The following RTKN2 variants were observed in gnomAD, a reference collection of about 807,000 sequenced individuals.
The protein encoded by RTKN2 is rhotekin 2, also known as rhotekin-2.
Under a neutral mutation model 71.5 loss-of-function variants are expected in RTKN2, and 69 were observed. The ratio of observed to expected loss-of-function variants is 0.96; its 90% CI spans 0.79 to 1.18. The LOEUF is 1.18. Ranked by LOEUF, RTKN2 falls within the 50% of genes most tolerant of loss-of-function variation. The pLI is 0.00. For missense variants in RTKN2, 724 were observed against 719.7 expected, an observed-to-expected ratio of 1.01 and a Z score of -0.07; for synonymous variants, 236 against 236.5, an observed-to-expected ratio of 1.00 and a Z score of 0.02.
chr10:62,240,807 G>C (rs1288604179), intron 4 of RTKN2, among the ~76,000 whole-genome samples: 1 of 152,082 alleles, frequency 6.6e-6, no homozygotes, highest in Non-Finnish European at 1.5e-5. Context: ...TCCAGATTCT[G>C]GTCAAATACA....
At chr10:62,227,783 G>A (rs1258339876) in intron 6 of RTKN2, among the ~76,000 whole-genome samples, 2 of 152,202 alleles carry the variant, frequency 1.3e-5, no homozygotes, top group African/African-American at 4.8e-5. Flanking sequence ...CCAGGCAAGA[G>A]CTGTTGCAGG....
rs187847946 is a variant in RTKN2 at position 62,223,157 on chromosome 10, G to T, written c.781+81C>A. 69 of 727,346 alleles carry T rather than the reference G, an allele frequency of 9.5e-5. 1 individual carries two copies. In the Middle Eastern group the frequency reaches 1.5e-3, roughly 16 times the overall value. The allele number at this position is 727,346 out of a possible 1,614,324, so 45.1% of individuals were successfully genotyped here. On this transcript the variant is annotated intron_variant, in intron 7 of 11. Coordinates refer to ENST00000373789, the MANE Select transcript of RTKN2 (RefSeq NM_145307.4). Reference sequence around the variant, plus strand: ...CACTCATGTCTCCATTATTTAAGCCGATATCCACTTGAGGGGAACATACTA... The same window carrying T: ...CACTCATGTCTCCATTATTTAAGCCTATATCCACTTGAGGGGAACATACTA...
chr10:62,268,466 T>G, intron 1 of RTKN2, 85 bp downstream of exon 1: 1 of 1,280,884 alleles, frequency 7.8e-7, no homozygotes, highest in South Asian at 1.3e-5. Flanking sequence ...GGAGAGGCTT[T>G]CCCGACTCCT....
intron 2 of RTKN2, chr10:62,259,238 A>C (rs2133086708): frequency 2.2e-6 from 1 of 450,874 alleles, no homozygotes; most frequent in Admixed American, 2.4e-5. Flanking sequence ...AGGCCTCCCC[A>C]GTCATGTGAA....
At chr10:62,218,154 G>T in intron 8 of RTKN2, 41 bp downstream of exon 8, 1 of 1,249,036 alleles carries the variant, frequency 8.0e-7, no homozygotes, top group East Asian at 2.3e-5. Flanking sequence ...AAGATTTAAA[G>T]TAGAGCTACA....
At chr10:62,237,521 T>TG (rs1303151288) in intron 5 of RTKN2, among the ~76,000 whole-genome samples, 1 of 151,924 alleles carries the variant, frequency 6.6e-6, no homozygotes, top group Non-Finnish European at 1.5e-5. Flanking sequence ...TAAAATACCC[T>TG]GGTCATTTTG....
At chr10:62,264,663 T>C (rs1283459267) in intron 1 of RTKN2, among the ~76,000 whole-genome samples, 1 of 152,128 alleles carries the variant, frequency 6.6e-6, no homozygotes, top group Non-Finnish European at 1.5e-5. Flanking sequence ...TGCCACTAAA[T>C]TCAACTTTAG....
chr10:62,215,100 A>C, intron 9 of RTKN2: 2 of 1,462,840 alleles, frequency 1.4e-6, no homozygotes, highest in Non-Finnish European at 9.3e-7. Context: ...GACTTCAAAA[A>C]TATCATTTGT....
intron 4 of RTKN2, among the ~76,000 whole-genome samples, chr10:62,240,474 T>C (rs993891617): frequency 3.9e-5 from 6 of 152,198 alleles, no homozygotes; most frequent in Non-Finnish European, 5.9e-5. Context: ...TTATATTTCC[T>C]AATTGAATAA....
chr10:62,261,990 T>A (rs2393867), intron 2 of RTKN2, among the ~76,000 whole-genome samples: 115,485 of 152,130 alleles, frequency 0.76, 43,929 homozygotes, highest in East Asian at 0.9. Context: ...TTGTAAAAAG[T>A]TAGGATATAA....
rs977162925 is a variant in RTKN2, at chr10:62,195,779, G to A, written c.*2129C>T. The A allele has an allele frequency of 1.0e-6, 1 of 985,266 alleles. No individual in the cohort carries two copies. The highest frequency in any genetic ancestry group is 1.2e-6 in the Non-Finnish European group (1 of 829,968). 61.0% of individuals were successfully genotyped at this position (985,266 alleles called of 1,614,324 possible). A position where few individuals can be genotyped will look rare whatever the true frequency, so the allele number is the denominator to read the frequency against. ...AAAGACTTGTAACATACAGTAAGCT[G>A]GGCCCCCCAGAAAGAGACCGAATAA... On this transcript the variant is annotated 3_prime_UTR_variant, in exon 12 of 12. Transcript: ENST00000373789.
rs537060718 is a variant in RTKN2, at chr10:62,223,834, C to T, written c.687-502G>A. Among the ~76,000 whole-genome samples, 34 of 152,194 alleles carry T rather than the reference C, an allele frequency of 2.2e-4. No homozygotes were observed. The South Asian group carries it at 6.8e-3, about 31-fold the overall frequency. On this transcript the variant is annotated intron_variant, in intron 6 of 11. Transcript: ENST00000373789. ...CTACTCTGATATATACCCAAAAGAA[C>T]TGAGAGCAGAGACTCAGATATTTGT...
At chr10:62,257,386 A>T (rs1362251096) in intron 2 of RTKN2, among the ~76,000 whole-genome samples, 1 of 152,232 alleles carries the variant, frequency 6.6e-6, no homozygotes, top group Non-Finnish European at 1.5e-5. Context: ...GGAGGTAAAT[A>T]GTCATTTTTT....
rs193064284 is a variant in RTKN2 at position 62,207,395 on chromosome 10, T to C, written c.1021-2373A>G. ...CAGAATTTGAATTAACTTCTATATG[T>C]TATCATCCAAAATAATTTAATGGAA... On this transcript the variant is annotated intron_variant, in intron 9 of 11. Transcript: ENST00000373789. Among the ~76,000 whole-genome samples, 49 of 152,224 alleles carry C rather than the reference T, an allele frequency of 3.2e-4. No individual in the cohort carries two copies. In the East Asian group the frequency reaches 9.1e-3, roughly 28 times the overall value.
Position 62,194,271 on chromosome 10 carries a change from T to C in RTKN2, c.*3637A>G, listed in dbSNP as rs1204483339. The C allele has an allele frequency of 1.0e-6, 1 of 984,468 alleles. No homozygotes were observed. The highest frequency in any genetic ancestry group is 1.7e-5 in the African/African-American group (1 of 57,216). 61.0% of individuals were successfully genotyped at this position (984,468 alleles called of 1,614,324 possible). A position where few individuals can be genotyped will look rare whatever the true frequency, so the allele number is the denominator to read the frequency against. ...TCCCAGAGTTAACTAAGAACATCTATGATCCAGAATATGCAGATTTCATTT... is the reference window on the plus strand; with the variant it reads ...TCCCAGAGTTAACTAAGAACATCTACGATCCAGAATATGCAGATTTCATTT... On this transcript the variant is annotated 3_prime_UTR_variant, in exon 12 of 12. Coordinates refer to ENST00000373789, the MANE Select transcript of RTKN2 (RefSeq NM_145307.4).
At chr10:62,220,154 G>C (rs1841874402) in intron 7 of RTKN2, among the ~76,000 whole-genome samples, 1 of 152,122 alleles carries the variant, frequency 6.6e-6, no homozygotes, top group Admixed American at 6.5e-5. Flanking sequence ...GGCAGCAAAG[G>C]TTTGTAGTAA....
intron 1 of RTKN2, among the ~76,000 whole-genome samples, chr10:62,263,734 C>T (rs553275041): frequency 6.6e-6 from 1 of 152,260 alleles, no homozygotes; most frequent in Admixed American, 6.5e-5. Context: ...GCGCTGTACA[C>T]TGAAAATGTC....
chr10:62,198,059 C>T lies in RTKN2; in HGVS notation c.1679G>A (p.Arg560Gln), dbSNP rs757266154. 35 of 1,613,892 alleles carry T rather than the reference C, an allele frequency of 2.2e-5. No homozygotes were observed. Among genetic ancestry groups the T allele is most frequent in the Admixed American group, 3.3e-5 (2 of 59,976 alleles). ...HHLQKPMAAPRKLLPARRNRL... is the reference protein window; with the variant it reads ...HHLQKPMAAPQKLLPARRNRL... ...ATTTCTCCTGGCAGGCAGAAGTTTT[C>T]GAGGAGCAGCCATTGGTTTCTGTAA... Residue 560 changes from arginine to glutamine, a missense_variant, in exon 12 of 12, where the codon CGA (arginine) becomes CAA (glutamine). Arg to Gln is a conservative substitution (Grantham distance 43, BLOSUM62 1). Transcript: ENST00000373789.
chr10:62,197,189 T>C lies in RTKN2; in HGVS notation c.*719A>G, dbSNP rs762063267. 3.3e-5 allele frequency: 33 copies of C among 985,482 alleles called. No homozygotes were observed. The highest frequency in any genetic ancestry group is 3.6e-5 in the Non-Finnish European group (30 of 829,826). The allele number at this position is 985,482 out of a possible 1,614,324, so 61.0% of individuals were successfully genotyped here. A position where few individuals can be genotyped will look rare whatever the true frequency, so the allele number is the denominator to read the frequency against. ...GAAATTAGCACCACACACAGAAAAT[T>C]GAATGTAAAGAGCATTTCATCTACC... is the stretch of plus-strand genomic sequence containing the variant. On this transcript the variant is annotated 3_prime_UTR_variant, in exon 12 of 12. Coordinates refer to ENST00000373789, the MANE Select transcript of RTKN2 (RefSeq NM_145307.4).
Sources: allele counts gnomAD v4.1 joint callset (sites outside exome capture counted in the v4.1 genomes callset), GRCh38; gene constraint gnomAD v4.1.1; transcripts MANE v1.5; gene names NCBI Gene and HGNC (gene_info 2026-07-23, HGNC 2026-07-21).